The following LRRC39 variants were observed in gnomAD, a reference collection of about 807,000 sequenced individuals.
The protein encoded by LRRC39 is leucine-rich repeat-containing protein 39.
LRRC39 carries 35 observed loss-of-function variants against 39.7 expected under a neutral mutation model. The observed-to-expected ratio is 0.88, with a 90% confidence interval of 0.67 to 1.17. The LOEUF (loss-of-function observed/expected upper bound fraction) is 1.17. Among genes scored for constraint, LRRC39 ranks in the 50% most tolerant of loss-of-function variants. The pLI is 0.00. For synonymous variants in LRRC39, 113 were observed against 134.1 expected (o/e 0.84, Z 1.09); for missense variants, 357 against 385.8 (o/e 0.93, Z 0.62).
In LRRC39 at chr1:100,149,430, G is replaced by A. The variant is rs940887359; in HGVS notation, c.953-333C>T. ...ATCTGTCCATGACAAACACAAAACT[G>A]AAGAGCTGTTTTCAAAGAAAAAAGA... is the stretch of plus-strand genomic sequence containing the variant. On this transcript the variant is annotated intron_variant, in intron 9 of 9. Coordinates refer to ENST00000370137, the MANE Select transcript of LRRC39 (RefSeq NM_144620.4). The A allele has an allele frequency of 1.9e-6, 3 of 1,540,086 alleles. No homozygotes were observed. The African/African-American group carries it at 4.1e-5, about 21-fold the overall frequency.
chr1:100,163,955 C>T (rs1659057476), intron 3 of LRRC39, among the ~76,000 whole-genome samples: 1 of 152,040 alleles, frequency 6.6e-6, no homozygotes, highest in Admixed American at 6.6e-5. Flanking sequence ...GGCCTGTAAT[C>T]CCAGCTACTC....
Position 100,159,292 on chromosome 1 carries a change from G to T in LRRC39, c.343C>A (p.Arg115=), listed in dbSNP as rs142662464. Residue 115 remains arginine, a synonymous_variant, in exon 5 of 10, where the codon CGA becomes AGA. Transcript: ENST00000370137. ...FQNLIVLDLS[R]NTISEIPPGI... is the part of the protein sequence containing the mutation. ...GGTGGTATCTCTGAAATTGTGTTTC[G>T]AGATAAATCTAACACAATGAGGTTC... 5 of 1,605,822 alleles carry T rather than the reference G, an allele frequency of 3.1e-6. No individual in the cohort carries two copies. Among genetic ancestry groups the T allele is most frequent in the Admixed American group, 3.4e-5 (2 of 58,988 alleles).
rs761459235 is a variant in LRRC39 at position 100,148,660 on chromosome 1, A to G, written c.*382T>C. 1.2e-6 allele frequency: 2 copies of G among 1,610,918 alleles called. No individual in the cohort carries two copies. The highest frequency in any genetic ancestry group is 1.3e-5 in the African/African-American group (1 of 74,824). ...GTTGAAGAAAAGAAGAAAATAGGGC[A>G]TCTTTGTAAATTGCTGATTGACCAA... On this transcript the variant is annotated 3_prime_UTR_variant, in exon 10 of 10. Coordinates refer to ENST00000370137, the MANE Select transcript of LRRC39 (RefSeq NM_144620.4).
chr1:100,151,125 TCAAAAAAA>T (rs1657971506), intron 9 of LRRC39, among the ~76,000 whole-genome samples: 1 of 37,564 alleles, frequency 2.7e-5, no homozygotes. Flanking sequence ...GAGAAACTCC[TCAAAAAAA>T]AAAAAAAAAA....
chr1:100,152,050 G>A (rs142446908), intron 9 of LRRC39, among the ~76,000 whole-genome samples: 21 of 152,234 alleles, frequency 1.4e-4, no homozygotes, highest in African/African-American at 4.1e-4. Flanking sequence ...GACAGGGAAG[G>A]TCAGTTCATG....
At chr1:100,175,598 C>G (rs1659902763) in intron 1 of LRRC39, among the ~76,000 whole-genome samples, 1 of 151,936 alleles carries the variant, frequency 6.6e-6, no homozygotes, top group African/African-American at 2.4e-5. Context: ...AAAGGAATAC[C>G]ATGTACATTA....
At chr1:100,158,143 T>C in intron 6 of LRRC39, 88 bp downstream of exon 6, 1 of 1,368,994 alleles carries the variant, frequency 7.3e-7, no homozygotes, top group Non-Finnish European at 1.0e-6. Context: ...AATTTTCTCA[T>C]TAGTTTTATT....
chr1:100,164,865 A>C (rs1252106535), intron 3 of LRRC39, among the ~76,000 whole-genome samples: 4 of 151,860 alleles, frequency 2.6e-5, no homozygotes, highest in Non-Finnish European at 5.9e-5. Flanking sequence ...GCATGCCACC[A>C]CGCCCAGCTA....
rs374873612 is a variant in LRRC39, at chr1:100,158,384, A to G, written c.377-17T>C. ...TAAGCAGTCCTATAAAAAATAATAT[A>G]CAATAGAGAGGAGTTGGATATAAAA... On this transcript the variant is annotated splice_polypyrimidine_tract_variant and intron_variant, in intron 5 of 9. Coordinates refer to ENST00000370137, the MANE Select transcript of LRRC39 (RefSeq NM_144620.4). 6.6e-5 allele frequency: 106 copies of G among 1,600,340 alleles called. No individual in the cohort carries two copies. In the African/African-American group the frequency reaches 1.3e-3, roughly 20 times the overall value.
intron 3 of LRRC39, among the ~76,000 whole-genome samples, chr1:100,167,688 A>G (rs898970373): frequency 1.3e-5 from 2 of 151,962 alleles, no homozygotes; most frequent in Admixed American, 1.3e-4. Flanking sequence ...GGCAGGGAGA[A>G]TCACTTGAAT....
At chr1:100,153,377 C>A (rs974311409) in intron 8 of LRRC39, among the ~76,000 whole-genome samples, 3 of 152,168 alleles carry the variant, frequency 2.0e-5, no homozygotes, top group African/African-American at 7.2e-5. Flanking sequence ...AAAAACTCTT[C>A]TGGACATTGG....
At chr1:100,161,747 G>T (rs1432502355) in intron 3 of LRRC39, among the ~76,000 whole-genome samples, 1 of 152,144 alleles carries the variant, frequency 6.6e-6, no homozygotes, top group African/African-American at 2.4e-5. Context: ...CCCAGGCACA[G>T]GTGATCTTCC....
intron 2 of LRRC39, among the ~76,000 whole-genome samples, chr1:100,168,929 T>A (rs1659420729): frequency 6.6e-6 from 1 of 152,006 alleles, no homozygotes; most frequent in African/African-American, 2.4e-5. Flanking sequence ...GGTTAAATAA[T>A]GGAGATTTTT....
Position 100,168,610 on chromosome 1 carries a change from A to G in LRRC39, c.-78-16T>C, listed in dbSNP as rs1053903890. The G allele has an allele frequency of 5.7e-6, 5 of 881,984 alleles. No individual in the cohort carries two copies. The highest frequency in any genetic ancestry group is 2.5e-5 in the Admixed American group (1 of 39,706). The allele number at this position is 881,984 out of a possible 1,614,324, so 54.6% of individuals were successfully genotyped here. On this transcript the variant is annotated splice_polypyrimidine_tract_variant and intron_variant, in intron 2 of 9. Transcript: ENST00000370137. ...CAGAAAGGACCTAAATGTACCAGAG[A>G]AAAAAAGCAATGTTTCAGACTGTTC...
chr1:100,157,545 A>C (rs971395125), intron 6 of LRRC39, among the ~76,000 whole-genome samples: 25 of 152,258 alleles, frequency 1.6e-4, no homozygotes, highest in African/African-American at 5.1e-4. Context: ...AGAAGATATA[A>C]TGTATATGTA....
chr1:100,151,443 C>G (rs968263781), intron 9 of LRRC39, among the ~76,000 whole-genome samples: 8 of 152,162 alleles, frequency 5.3e-5, no homozygotes, highest in African/African-American at 1.9e-4. Context: ...TGCAATAAAT[C>G]TAATCACCAT....
At chr1:100,160,646 A>T (rs1658810816) in intron 3 of LRRC39, 75 bp from the exon 4 acceptor site, 5 of 1,182,484 alleles carry the variant, frequency 4.2e-6, no homozygotes, top group Non-Finnish European at 6.1e-6. Flanking sequence ...TTTTTGAGAG[A>T]GAGAGTTTCA....
intron 3 of LRRC39, among the ~76,000 whole-genome samples, chr1:100,161,059 A>C (rs1221626530): frequency 6.6e-6 from 1 of 152,208 alleles, no homozygotes; most frequent in Non-Finnish European, 1.5e-5. Context: ...AAATTTTTTA[A>C]AAGTATCATA....
At chr1:100,155,225 A>G (rs1209859399) in intron 7 of LRRC39, 22 bp from the exon 8 acceptor site, 4 of 1,480,260 alleles carry the variant, frequency 2.7e-6, no homozygotes, top group Non-Finnish European at 3.7e-6. Flanking sequence ...AGGTTTCTAC[A>G]ATTAATTACA....
Sources: gnomAD v4.1 joint callset for allele counts (sites outside exome capture counted in the v4.1 genomes callset) on GRCh38, gnomAD v4.1.1 for gene constraint, MANE v1.5 for transcripts, NCBI Gene and HGNC (gene_info 2026-07-23, HGNC 2026-07-21) for gene names.